The following TJP1 variants were observed in gnomAD, a reference collection of about 807,000 sequenced individuals.
The protein encoded by TJP1 is tight junction protein 1.
In TJP1, 43 loss-of-function variants were observed where a neutral mutation model predicts 194.2. That is an observed-to-expected ratio of 0.22 (90% CI 0.17 to 0.29). The LOEUF (loss-of-function observed/expected upper bound fraction) is 0.29, where lower values mean the gene tolerates loss of function less well. Among genes scored for constraint, TJP1 ranks in the 10% least tolerant of loss-of-function variants. The pLI, the probability that TJP1 is intolerant of heterozygous loss-of-function variation, is 1.00. For synonymous variants in TJP1, 801 were observed against 779.0 expected, an observed-to-expected ratio of 1.03 and a Z score of -0.47; for missense variants, 1,971 against 2,185.7, an observed-to-expected ratio of 0.90 and a Z score of 1.96.
intron 11 of TJP1, among the ~76,000 whole-genome samples, chr15:29,735,769 C>T (rs976367692): frequency 1.3e-5 from 2 of 151,980 alleles, no homozygotes; most frequent in Admixed American, 1.3e-4. Flanking sequence ...ATGTAAACAT[C>T]ATCAGAAAGA....
Position 29,734,319 on chromosome 15 carries a change from G to A in TJP1, c.1471C>T (p.Pro491Ser), listed in dbSNP as rs756355635. 3 of 1,612,942 alleles carry A rather than the reference G, an allele frequency of 1.9e-6. No individual in the cohort carries two copies. Among genetic ancestry groups the A allele is most frequent in the East Asian group, 2.2e-5 (1 of 44,730 alleles). Residue 491 changes from proline to serine, a missense_variant, in exon 12 of 28, where the codon CCT becomes TCT. By Grantham distance (74) the Pro-to-Ser change is moderately conservative (BLOSUM62 -1). Transcript: ENST00000614355. ...AATATGGTCACTTCTTCTCCTTTAG[G>A]GAGGTCAAGCAGGAAAAGGACGGCT... ...EEAVLFLLDL[P>S]KGEEVTILAQ...
chr15:29,775,291 T>G (rs2046943521), intron 2 of TJP1, among the ~76,000 whole-genome samples: 1 of 149,900 alleles, frequency 6.7e-6, no homozygotes, highest in Non-Finnish European at 1.5e-5. Flanking sequence ...AGTGTTTCCT[T>G]CAAGAGAGAA....
At chr15:29,726,687 G>A (rs1443566711) in intron 17 of TJP1, 94 bp downstream of exon 17, 8 of 1,293,428 alleles carry the variant, frequency 6.2e-6, no homozygotes, top group African/African-American at 2.9e-5. Context: ...AAAGTATCAT[G>A]TAAGTTTTAG....
chr15:29,740,305 T>C (rs1406126054), intron 10 of TJP1, among the ~76,000 whole-genome samples: 3 of 152,040 alleles, frequency 2.0e-5, no homozygotes, highest in Non-Finnish European at 4.4e-5. Flanking sequence ...ATTATTCACA[T>C]CATGTCCCCT....
intron 2 of TJP1, among the ~76,000 whole-genome samples, chr15:29,892,025 T>A (rs1368116534): frequency 6.6e-6 from 1 of 152,230 alleles, no homozygotes; most frequent in African/African-American, 2.4e-5. Flanking sequence ...CTAGGCATCT[T>A]ATGCCAAACA....
chr15:29,929,400 T>G (rs1465822872), intron 2 of TJP1, among the ~76,000 whole-genome samples: 1 of 152,112 alleles, frequency 6.6e-6, no homozygotes, highest in Non-Finnish European at 1.5e-5. Context: ...ACCAATAATT[T>G]AAATGTATGA....
intron 2 of TJP1, among the ~76,000 whole-genome samples, chr15:29,931,385 C>T (rs1437739261): frequency 6.6e-6 from 1 of 151,682 alleles, no homozygotes; most frequent in African/African-American, 2.4e-5. Context: ...TGTACAACAG[C>T]AAAAAAACTA....
intron 2 of TJP1, among the ~76,000 whole-genome samples, chr15:29,901,820 CA>C (rs35491657): frequency 0.38 from 45,476 of 119,738 alleles, 7,316 homozygotes; most frequent in Middle Eastern, 0.51. Context: ...GACTCTATCT[CA>C]AAAAAAAAAA....
At chr15:29,960,819 A>G (rs2056128522) in intron 1 of TJP1, among the ~76,000 whole-genome samples, 1 of 152,104 alleles carries the variant, frequency 6.6e-6, no homozygotes, top group Admixed American at 6.5e-5. Context: ...TGGGAAGCTG[A>G]GGTAAACTGT....
intron 2 of TJP1, among the ~76,000 whole-genome samples, chr15:29,871,504 G>C (rs542837659): frequency 7.2e-4 from 109 of 152,362 alleles, no homozygotes; most frequent in Middle Eastern, 3.4e-3. Context: ...CTCATCAGAA[G>C]CCTTGCTGCT....
intron 1 of TJP1, 57 bp from the exon 2 acceptor site, chr15:29,800,759 G>A: frequency 1.9e-6 from 3 of 1,560,132 alleles, no homozygotes; most frequent in Admixed American, 1.7e-5. Context: ...TCCTTAATAA[G>A]GTGAGCAAGA....
chr15:29,789,156 A>G (rs1391660838), intron 2 of TJP1, among the ~76,000 whole-genome samples: 3 of 152,144 alleles, frequency 2.0e-5, no homozygotes, highest in African/African-American at 7.2e-5. Context: ...AGACTAAAAA[A>G]TTTAAATTTA....
intron 2 of TJP1, among the ~76,000 whole-genome samples, chr15:29,774,640 T>A (rs1224347194): frequency 3.3e-5 from 5 of 151,974 alleles, no homozygotes; most frequent in Non-Finnish European, 7.4e-5. Flanking sequence ...GGTGTTTTTT[T>A]TTTCCCCAGT....
intron 2 of TJP1, among the ~76,000 whole-genome samples, chr15:29,950,183 T>A (rs201186232): frequency 0.015 from 872 of 59,982 alleles, 82 homozygotes; most frequent in African/African-American, 0.033. Flanking sequence ...TACCTCCACC[T>A]CCACCACCAC....
chr15:29,881,628 T>C (rs1264906835), intron 2 of TJP1, among the ~76,000 whole-genome samples: 2 of 152,212 alleles, frequency 1.3e-5, no homozygotes, highest in Admixed American at 6.5e-5. Flanking sequence ...TAAAATTTTA[T>C]CCAATTAATG....
chr15:29,746,591 A>T (rs2044798083), intron 8 of TJP1, among the ~76,000 whole-genome samples: 1 of 152,142 alleles, frequency 6.6e-6, no homozygotes, highest in Non-Finnish European at 1.5e-5. Context: ...CCAAAATAGT[A>T]GCCAAGAGGA....
At chr15:29,779,382 C>T (rs1343763023) in intron 2 of TJP1, among the ~76,000 whole-genome samples, 2 of 152,208 alleles carry the variant, frequency 1.3e-5, no homozygotes. Context: ...TTCTCCCCCA[C>T]ACCTTGGAGA....
chr15:29,885,441 G>C (rs145336354), intron 2 of TJP1, among the ~76,000 whole-genome samples: 4 of 152,178 alleles, frequency 2.6e-5, no homozygotes, highest in African/African-American at 9.6e-5. Flanking sequence ...TGCAGGCTGC[G>C]AGGCTTTGCT....
intron 8 of TJP1, among the ~76,000 whole-genome samples, chr15:29,753,850 G>C (rs2045469461): frequency 6.7e-6 from 1 of 150,320 alleles, no homozygotes; most frequent in Admixed American, 6.6e-5. Flanking sequence ...AAAGGTAAAG[G>C]ACCTCATGGT....
Sources: gnomAD v4.1 joint callset for allele counts (sites outside exome capture counted in the v4.1 genomes callset) on GRCh38, gnomAD v4.1.1 for gene constraint, MANE v1.5 for transcripts, NCBI Gene and HGNC (gene_info 2026-07-23, HGNC 2026-07-21) for gene names.